The following COL23A1 variants were observed in gnomAD, a reference collection of about 807,000 sequenced individuals.
COL23A1 encodes the protein collagen type XXIII alpha 1 chain.
In COL23A1, 97 loss-of-function variants were observed where a neutral mutation model predicts 99.3. The ratio of observed to expected loss-of-function variants is 0.98; its 90% CI spans 0.83 to 1.16. The LOEUF is 1.16. Ranked by LOEUF, COL23A1 falls within the 50% of genes most tolerant of loss-of-function variation. COL23A1 has a pLI of 0.00. For missense variants in COL23A1, 762 were observed against 757.4 expected (o/e 1.01, Z -0.07); for synonymous variants, 320 against 308.2 (o/e 1.04, Z -0.40).
chr5:178,581,833 C>T (rs1269893644), intron 1 of COL23A1, among the ~76,000 whole-genome samples: 1 of 151,976 alleles, frequency 6.6e-6, no homozygotes, highest in Non-Finnish European at 1.5e-5. Context: ...GAGCCATCAC[C>T]TGGAAAAATG....
intron 1 of COL23A1, among the ~76,000 whole-genome samples, chr5:178,561,357 A>G (rs1762551425): frequency 6.6e-6 from 1 of 152,226 alleles, no homozygotes; most frequent in African/African-American, 2.4e-5. Context: ...AAATTTAACA[A>G]GAATCCCTAC....
intron 2 of COL23A1, among the ~76,000 whole-genome samples, chr5:178,311,589 A>G (rs543289847): frequency 6.7e-6 from 1 of 149,690 alleles, no homozygotes; most frequent in Admixed American, 6.7e-5. Flanking sequence ...TCAGGGTCTC[A>G]CTCTGTCACC....
chr5:178,590,137 C>G lies in COL23A1; in HGVS notation c.61G>C (p.Gly21Arg). Reference protein sequence around the residue: ...GDAGKGNAAGGGGGGRSATTA... With the variant: ...GDAGKGNAAGRGGGGRSATTA... ...GTCGCCGAGCGCCCTCCGCCGCCGC[C>G]GCCCGCCGCATTGCCCTTCCCCGCG... is the stretch of plus-strand genomic sequence containing the variant. Residue 21 changes from glycine (G) to arginine (R), a missense_variant, in exon 1 of 29, where the codon GGC (glycine) becomes CGC (arginine). Coordinates refer to ENST00000390654, the MANE Select transcript of COL23A1 (RefSeq NM_173465.4). The surrounding 1 kb of genome is among the most constrained non-coding windows in gnomAD (Gnocchi z 5.7). 11 of 1,240,026 alleles carry G rather than the reference C, an allele frequency of 8.9e-6. No homozygotes were observed. Among genetic ancestry groups the G allele is most frequent in the Non-Finnish European group, 1.1e-5 (11 of 995,866 alleles). 76.8% of individuals were successfully genotyped at this position (1,240,026 alleles called of 1,614,324 possible).
At chr5:178,254,268 T>TGCCACGCCACACCACGCCAC (rs1366855607) in intron 16 of COL23A1, among the ~76,000 whole-genome samples, 1 of 130,154 alleles carries the variant, frequency 7.7e-6, no homozygotes, top group African/African-American at 2.5e-5. Context: ...GTCTGGGCCA[T>TGCCACGCCACACCACGCCAC]GCCACGCCAC....
intron 2 of COL23A1, among the ~76,000 whole-genome samples, chr5:178,521,038 T>C (rs1759912461): frequency 6.6e-6 from 1 of 152,214 alleles, no homozygotes; most frequent in Admixed American, 6.5e-5. Flanking sequence ...GGCTACGTGG[T>C]GTAGCCTATT....
Position 178,544,569 on chromosome 5 carries a change from T to C in COL23A1, c.361+16113A>G, listed in dbSNP as rs1007568434. Among the ~76,000 whole-genome samples the C allele has an allele frequency of 1.3e-5, 2 of 152,196 alleles. No homozygotes were observed. Among genetic ancestry groups the C allele is most frequent in the Non-Finnish European group, 2.9e-5 (2 of 68,036 alleles). ...GGCCCAGAGGTACAGCTAGGAAGCATGTCCCTCCTGGGTACAGCTGACATG... is the reference window on the plus strand; with the variant it reads ...GGCCCAGAGGTACAGCTAGGAAGCACGTCCCTCCTGGGTACAGCTGACATG... On this transcript the variant is annotated intron_variant, in intron 2 of 28. Coordinates refer to ENST00000390654, the MANE Select transcript of COL23A1 (RefSeq NM_173465.4). This position sits in a 1 kb window ranked among gnomAD's most constrained non-coding sequence, Gnocchi z 4.4.
At chr5:178,537,400 C>T (rs369095010) in intron 2 of COL23A1, among the ~76,000 whole-genome samples, 2 of 152,318 alleles carry the variant, frequency 1.3e-5, no homozygotes, top group South Asian at 2.1e-4. Context: ...ATGGGGAAAC[C>T]GAGGCCGGGT....
At chr5:178,258,256 T>C (rs1048270622) in intron 12 of COL23A1, among the ~76,000 whole-genome samples, 1 of 115,936 alleles carries the variant, frequency 8.6e-6, no homozygotes, top group Non-Finnish European at 1.8e-5. Context: ...TATATATATA[T>C]ATATATACAC....
At position 178,334,220 on chromosome 5, in the gene COL23A1, G is replaced by A. The variant is rs370160913; in HGVS notation, c.362-27301C>T. Among the ~76,000 whole-genome samples the A allele has an allele frequency of 6.1e-4, 93 of 152,252 alleles. 1 individual carries two copies. The East Asian group carries it at 0.014, about 24-fold the overall frequency. On this transcript the variant is annotated intron_variant, in intron 2 of 28. Coordinates refer to ENST00000390654, the MANE Select transcript of COL23A1 (RefSeq NM_173465.4). The stretch of plus-strand genomic sequence containing the variant: ...CAGACTCTAAGCAGCCTCACCTCAC[G>A]TTTATTAAACTCCCACTGTGTGCCC...
At chr5:178,456,495 T>C (rs1767803718) in intron 2 of COL23A1, among the ~76,000 whole-genome samples, 1 of 152,160 alleles carries the variant, frequency 6.6e-6, no homozygotes, top group African/African-American at 2.4e-5. Context: ...GGTCGGGAGT[T>C]CGAGACCAGC....
intron 2 of COL23A1, among the ~76,000 whole-genome samples, chr5:178,548,553 CTT>C (rs3065159): frequency 0.6 from 74,022 of 124,296 alleles, 22,555 homozygotes; most frequent in East Asian, 0.82. Context: ...TTTGCCTATT[CTT>C]TTTTTTTTTT....
chr5:178,409,067 T>C (rs550014800), intron 2 of COL23A1, among the ~76,000 whole-genome samples: 3 of 149,126 alleles, frequency 2.0e-5, no homozygotes, highest in South Asian at 2.1e-4. Context: ...ATCTCAGAGA[T>C]AGGAAATTTT....
chr5:178,341,401 G>A (rs1760651157), intron 2 of COL23A1, among the ~76,000 whole-genome samples: 2 of 152,176 alleles, frequency 1.3e-5, no homozygotes, highest in Admixed American at 1.3e-4. Context: ...GGCACACTTT[G>A]GTGGCCCTCT....
chr5:178,310,873 C>T lies in COL23A1; in HGVS notation c.362-3954G>A, dbSNP rs769767375. Among the ~76,000 whole-genome samples, 1 of 152,088 alleles carries T rather than the reference C, an allele frequency of 6.6e-6. No homozygotes were observed. Among genetic ancestry groups the T allele is most frequent in the African/African-American group, 2.4e-5 (1 of 41,412 alleles). On this transcript the variant is annotated intron_variant, in intron 2 of 28. Coordinates refer to ENST00000390654, the MANE Select transcript of COL23A1 (RefSeq NM_173465.4). The surrounding 1 kb of genome is among the most constrained non-coding windows in gnomAD (Gnocchi z 4.3). ...TTTCTTCTTTCTACAAGCAGAAGAA[C>T]CTTTCCTGCTGCTGCCTGAGACTCA...
chr5:178,429,939 G>C (rs1766167094), intron 2 of COL23A1, among the ~76,000 whole-genome samples: 1 of 152,118 alleles, frequency 6.6e-6, no homozygotes, highest in Admixed American at 6.5e-5. Flanking sequence ...TGTCCCCACT[G>C]ACCGTGCCTT....
chr5:178,245,261 T>C (rs1334052623), intron 25 of COL23A1, among the ~76,000 whole-genome samples: 4 of 134,178 alleles, frequency 3.0e-5, no homozygotes, highest in Non-Finnish European at 6.3e-5. Flanking sequence ...TCATCATCTA[T>C]CATCCATCAT....
chr5:178,391,378 G>A (rs1763954657), intron 2 of COL23A1, among the ~76,000 whole-genome samples: 1 of 152,142 alleles, frequency 6.6e-6, no homozygotes, highest in South Asian at 2.1e-4. Context: ...AATACGTAAA[G>A]GATTCTTACA....
intron 2 of COL23A1, among the ~76,000 whole-genome samples, chr5:178,440,867 T>C (rs932807608): frequency 2.6e-5 from 4 of 152,212 alleles, no homozygotes; most frequent in African/African-American, 9.6e-5. Flanking sequence ...TCCACCCTAC[T>C]TGGCCTCCCA....
intron 2 of COL23A1, among the ~76,000 whole-genome samples, chr5:178,327,301 C>T (rs138372699): frequency 3.5e-4 from 53 of 152,258 alleles, no homozygotes; most frequent in Non-Finnish European, 5.4e-4. Flanking sequence ...GTGTGGGAAA[C>T]GCTATTAGAG....
Sources: gnomAD v4.1 joint callset for allele counts (sites outside exome capture counted in the v4.1 genomes callset) on GRCh38, gnomAD v4.1.1 for gene constraint, Gnocchi (gnomAD v3.1) non-coding constraint, MANE v1.5 for transcripts, NCBI Gene and HGNC (gene_info 2026-07-23, HGNC 2026-07-21) for gene names.